Variants in CLASP2 observed in about 807,000 individuals in gnomAD.
The protein encoded by CLASP2 is CLIP-associating protein 2.
A neutral mutation model predicts 194.4 loss-of-function variants in CLASP2; 47 were observed. That is an observed-to-expected ratio of 0.24 (90% CI 0.19 to 0.31). The LOEUF is 0.31. CLASP2 is among the 10% of genes least tolerant of loss of function. The probability of loss-of-function intolerance (pLI) is 1.00; values close to 1 mark genes in which losing one functional copy is unlikely to be tolerated. For synonymous variants in CLASP2, 619 were observed against 633.5 expected, an observed-to-expected ratio of 0.98 and a Z score of 0.34; for missense variants, 1,445 against 1,823.6, an observed-to-expected ratio of 0.79 and a Z score of 3.78.
chr3:33,709,249 G>A (rs1005968274), intron 1 of CLASP2, among the ~76,000 whole-genome samples: 2 of 152,130 alleles, frequency 1.3e-5, no homozygotes, highest in East Asian at 3.9e-4. Flanking sequence ...TTGCATTTAA[G>A]TCTTTAATCC....
At chr3:33,584,039 T>A (rs1256390487) in intron 22 of CLASP2, among the ~76,000 whole-genome samples, 2 of 152,174 alleles carry the variant, frequency 1.3e-5, no homozygotes, top group Admixed American at 1.3e-4. Context: ...GCTGGCTTCA[T>A]CTATCATTAC....
At chr3:33,539,488 C>T (rs367828967) in intron 32 of CLASP2, among the ~76,000 whole-genome samples, 1 of 152,064 alleles carries the variant, frequency 6.6e-6, no homozygotes, top group African/African-American at 2.4e-5. Context: ...GCGCCGGCCA[C>T]CACACCTGGC....
At chr3:33,543,826 TTC>T (rs1003479620) in intron 31 of CLASP2, among the ~76,000 whole-genome samples, 60 of 152,312 alleles carry the variant, frequency 3.9e-4, no homozygotes, top group African/African-American at 1.3e-3. Context: ...TAGCTTCCTG[TTC>T]TGAGCTAATT....
rs2091979714 is a variant in CLASP2, at chr3:33,696,990, AGTATT to A, written c.196-62_196-58del. The A allele has an allele frequency of 7.6e-6, 7 of 916,516 alleles. No homozygotes were observed. The African/African-American group carries it at 1.2e-4, about 16-fold the overall frequency. 56.8% of individuals were successfully genotyped at this position (916,516 alleles called of 1,614,324 possible). ...AATTACTGATGCATACTTTAATATC[AGTATT>A]TAATTTTTGACATATAAAAGATCTT... On this transcript the variant is annotated intron_variant, in intron 1 of 38. Coordinates refer to ENST00000682230, the MANE Select transcript of CLASP2 (RefSeq NM_001365631.1).
rs760240577 is a variant in CLASP2 at position 33,663,469 on chromosome 3, C to T, written c.691G>A (p.Gly231Ser). The T allele has an allele frequency of 1.9e-6, 3 of 1,612,024 alleles. No homozygotes were observed. The highest frequency in any genetic ancestry group is 1.7e-5 in the Admixed American group (1 of 59,932). The change falls in exon 7 of 39, where the codon GGT becomes AGT. Residue 231 changes from glycine (G) to serine (S), a missense_variant. Gly to Ser is a moderately conservative substitution (Grantham distance 56). This residue lies in a region of CLASP2 where 332 missense variants were observed against 325.3 expected (regional missense o/e 1.02). Coordinates refer to ENST00000682230, the MANE Select transcript of CLASP2 (RefSeq NM_001365631.1). ...AKFDEVQSSG[G>S]MILSVCKDKS... is the part of the protein sequence containing the mutation. ...CCTTTGCAGACACTCAAAATCATAC[C>T]GCCTGAACTTTGCACTTCATCAAAT...
chr3:33,620,546 T>C (rs889181549), intron 11 of CLASP2, among the ~76,000 whole-genome samples: 9 of 152,188 alleles, frequency 5.9e-5, no homozygotes, highest in African/African-American at 2.2e-4. Context: ...TGTTATAATA[T>C]TAGTTTTCCA....
intron 1 of CLASP2, among the ~76,000 whole-genome samples, chr3:33,713,375 A>G (rs2093130135): frequency 6.6e-6 from 1 of 152,194 alleles, no homozygotes; most frequent in Admixed American, 6.5e-5. Flanking sequence ...TAACAAGGTG[A>G]CAAAAAGGAC....
At chr3:33,512,619 T>C (rs1165066643) in intron 36 of CLASP2, among the ~76,000 whole-genome samples, 1 of 147,264 alleles carries the variant, frequency 6.8e-6, no homozygotes, top group South Asian at 2.2e-4. Context: ...TGATGCTACT[T>C]TGGCAGTCTC....
intron 30 of CLASP2, among the ~76,000 whole-genome samples, chr3:33,548,742 G>C (rs1469949439): frequency 2.0e-5 from 3 of 148,990 alleles, no homozygotes; most frequent in Non-Finnish European, 4.4e-5. Flanking sequence ...GCCACAATAG[G>C]TAACGACTAC....
chr3:33,636,024 T>G (rs1416051228), intron 8 of CLASP2, among the ~76,000 whole-genome samples: 1 of 152,180 alleles, frequency 6.6e-6, no homozygotes, highest in East Asian at 1.9e-4. Flanking sequence ...GGTAGTTAGT[T>G]GTATAACGTA....
At chr3:33,570,820 A>G (rs1365241360) in intron 25 of CLASP2, 30 bp from the exon 26 acceptor site, 126 of 1,527,186 alleles carry the variant, frequency 8.3e-5, no homozygotes, top group Non-Finnish European at 1.1e-4. Context: ...GTTAATTAAT[A>G]TCTTGCTGTA....
intron 34 of CLASP2, among the ~76,000 whole-genome samples, chr3:33,532,958 T>C (rs1024926253): frequency 2.0e-5 from 3 of 152,204 alleles, no homozygotes; most frequent in Non-Finnish European, 4.4e-5. Context: ...GGTTGGTAAT[T>C]TACTTTCAAA....
At chr3:33,542,137 G>A (rs2058462496) in intron 32 of CLASP2, among the ~76,000 whole-genome samples, 1 of 152,026 alleles carries the variant, frequency 6.6e-6, no homozygotes, top group Middle Eastern at 3.2e-3. Context: ...CTAGGAAAAG[G>A]AAATAAAATT....
At chr3:33,603,876 T>C (rs1363465652) in intron 17 of CLASP2, among the ~76,000 whole-genome samples, 2 of 152,154 alleles carry the variant, frequency 1.3e-5, no homozygotes, top group Non-Finnish European at 2.9e-5. Context: ...GACCCATTAA[T>C]AGGTTGTAAA....
At chr3:33,633,914 T>C (rs2154295529) in intron 8 of CLASP2, among the ~76,000 whole-genome samples, 1 of 152,268 alleles carries the variant, frequency 6.6e-6, no homozygotes, top group Middle Eastern at 3.4e-3. Context: ...CATATGTCTA[T>C]TGGGGTGTCT....
chr3:33,563,023 A>C (rs1468473519), intron 27 of CLASP2, among the ~76,000 whole-genome samples: 1 of 152,148 alleles, frequency 6.6e-6, no homozygotes, highest in African/African-American at 2.4e-5. Flanking sequence ...TCCAAGAAAG[A>C]AGTGATTTTC....
intron 34 of CLASP2, among the ~76,000 whole-genome samples, chr3:33,534,405 T>C (rs1431611270): frequency 1.3e-5 from 2 of 151,940 alleles, no homozygotes; most frequent in South Asian, 2.1e-4. Context: ...CTATAGAACA[T>C]TTATTTAAAA....
At chr3:33,556,628 G>A (rs183004843) in intron 29 of CLASP2, among the ~76,000 whole-genome samples, 1 of 151,838 alleles carries the variant, frequency 6.6e-6, no homozygotes, top group Non-Finnish European at 1.5e-5. Flanking sequence ...GTAGAGACAT[G>A]GTTTCACCAT....
At position 33,561,702 on chromosome 3, in the gene CLASP2, T is replaced by C. The variant is rs189220847; in HGVS notation, c.2767-731A>G. On this transcript the variant is annotated intron_variant, in intron 27 of 38. Transcript: ENST00000682230. ...TTTATAAGGTAGAAAAAAATTATTA[T>C]AGTGAAGGGAAGCTAATGTTTATAA... 9.1e-4 allele frequency among the ~76,000 whole-genome samples: 139 copies of C among 152,282 alleles called. 1 individual carries two copies. Among genetic ancestry groups the C allele is most frequent in the South Asian group, 1.9e-3 (9 of 4,828 alleles).
Sources: gnomAD v4.1 joint callset for allele counts (sites outside exome capture counted in the v4.1 genomes callset) on GRCh38, gnomAD v4.1.1 for gene constraint, gnomAD v4.1.1 regional missense constraint, MANE v1.5 for transcripts, NCBI Gene and HGNC (gene_info 2026-07-23, HGNC 2026-07-21) for gene names.